PIK3R1: variants seen among roughly 807,000 people sequenced by gnomAD.
PIK3R1 encodes the protein phosphoinositide-3-kinase regulatory subunit 1, also known as phosphatidylinositol 3-kinase regulatory subunit alpha.
PIK3R1 carries 29 observed loss-of-function variants against 98.0 expected under a neutral mutation model. That is an observed-to-expected ratio of 0.30 (90% CI 0.22 to 0.40). The LOEUF (loss-of-function observed/expected upper bound fraction) is 0.40. Among genes scored for constraint, PIK3R1 ranks in the 10% least tolerant of loss-of-function variants. The probability of loss-of-function intolerance (pLI) is 1.00; values close to 1 mark genes in which losing one functional copy is unlikely to be tolerated. For missense variants in PIK3R1, 596 were observed against 872.7 expected (o/e 0.68, Z 3.99); for synonymous variants, 282 against 311.8 (o/e 0.90, Z 1.01).
At chr5:68,282,926 G>A (rs1199118204) in intron 7 of PIK3R1, among the ~76,000 whole-genome samples, 7 of 152,160 alleles carry the variant, frequency 4.6e-5, no homozygotes, top group South Asian at 2.1e-4. Context: ...GAATTAAATG[G>A]CTGTTTTAGT....
At chr5:68,252,604 A>G (rs71630403) in intron 2 of PIK3R1, among the ~76,000 whole-genome samples, 44 of 152,362 alleles carry the variant, frequency 2.9e-4, no homozygotes, top group South Asian at 6.2e-4. Flanking sequence ...TGTAGAAGTT[A>G]TTAGAAGTTC....
chr5:68,258,980 T>C (rs1038245026), intron 2 of PIK3R1, among the ~76,000 whole-genome samples: 4 of 152,238 alleles, frequency 2.6e-5, no homozygotes, highest in Non-Finnish European at 4.4e-5. Context: ...ATCTAAGGAA[T>C]ATGATACTTT....
intron 1 of PIK3R1, among the ~76,000 whole-genome samples, chr5:68,225,090 T>A (rs1744225990): frequency 6.6e-6 from 1 of 152,266 alleles, no homozygotes; most frequent in Admixed American, 6.5e-5. Flanking sequence ...GTCTCTCCTG[T>A]CTGGATGCCT....
chr5:68,217,643 T>TGCGC (rs1743946376), intron 1 of PIK3R1: 2 of 136,934 alleles, frequency 1.5e-5, no homozygotes, highest in African/African-American at 5.8e-5. Flanking sequence ...TGTGTGTGTG[T>TGCGC]GTGTGTGTGT....
intron 2 of PIK3R1, among the ~76,000 whole-genome samples, chr5:68,266,241 G>T (rs1429059200): frequency 2.0e-5 from 3 of 152,064 alleles, no homozygotes; most frequent in Non-Finnish European, 4.4e-5. Flanking sequence ...TTACAACTCT[G>T]CTTTATTATT....
chr5:68,288,504 G>A lies in PIK3R1; in HGVS notation c.917-3755G>A, dbSNP rs894356239. On this transcript the variant is annotated intron_variant, in intron 7 of 15. Coordinates refer to ENST00000521381, the MANE Select transcript of PIK3R1 (RefSeq NM_181523.3). Reference sequence around the variant, plus strand: ...GACGCACTGCCGGGCGGGGCGTGGGGCGGAGGGACGAGCCGAGCCGAGCCA... The same window carrying A: ...GACGCACTGCCGGGCGGGGCGTGGGACGGAGGGACGAGCCGAGCCGAGCCA... 3 of 1,321,990 alleles carry A rather than the reference G, an allele frequency of 2.3e-6. No homozygotes were observed. In the African/African-American group the frequency reaches 4.9e-5, roughly 22 times the overall value. The allele number at this position is 1,321,990 out of a possible 1,614,324, so 81.9% of individuals were successfully genotyped here.
At chr5:68,244,794 G>C (rs1197689508) in intron 2 of PIK3R1, among the ~76,000 whole-genome samples, 1 of 151,870 alleles carries the variant, frequency 6.6e-6, no homozygotes, top group Non-Finnish European at 1.5e-5. Flanking sequence ...TGACTCTGTG[G>C]GACTAGATGT....
intron 2 of PIK3R1, among the ~76,000 whole-genome samples, chr5:68,257,937 C>A (rs1400026072): frequency 6.6e-6 from 1 of 152,184 alleles, no homozygotes; most frequent in Non-Finnish European, 1.5e-5. Context: ...TTCTGACACC[C>A]AAAACACATT....
In PIK3R1 at chr5:68,279,710, G is replaced by A. The variant is rs771919405; in HGVS notation, c.611G>A (p.Ser204Asn). The change falls in exon 5 of 16, where the codon AGT (serine) becomes AAT (asparagine). Residue 204 changes from serine to asparagine, a missense_variant. This residue lies in a region of PIK3R1 where 352 missense variants were observed against 393.3 expected (regional missense o/e 0.90). Coordinates refer to ENST00000521381, the MANE Select transcript of PIK3R1 (RefSeq NM_181523.3). ...CCTGTCATTCCAGCAGCCGTTTACA[G>A]TGAAATGATTTCTTTAGCTCCAGGT... The part of the protein sequence containing the change: ...PNPVIPAAVY[S>N]EMISLAPEVQ... 1.7e-5 allele frequency: 28 copies of A among 1,614,146 alleles called. 1 individual carries two copies. Among genetic ancestry groups the A allele is most frequent in the Non-Finnish European group, 2.1e-5 (25 of 1,180,006 alleles).
intron 2 of PIK3R1, among the ~76,000 whole-genome samples, chr5:68,245,144 T>A (rs762699472): frequency 6.6e-6 from 1 of 152,208 alleles, no homozygotes; most frequent in Non-Finnish European, 1.5e-5. Flanking sequence ...TTGTTAGCTA[T>A]CTCTTATTTT....
At chr5:68,260,592 G>A (rs987966359) in intron 2 of PIK3R1, among the ~76,000 whole-genome samples, 1 of 152,180 alleles carries the variant, frequency 6.6e-6, no homozygotes, top group African/African-American at 2.4e-5. Flanking sequence ...CCAAACACTA[G>A]TTAAGTGATC....
At chr5:68,263,522 T>C (rs938907271) in intron 2 of PIK3R1, among the ~76,000 whole-genome samples, 8 of 152,062 alleles carry the variant, frequency 5.3e-5, no homozygotes, top group African/African-American at 1.9e-4. Context: ...CTACTGATCA[T>C]AGTCTATTGT....
chr5:68,224,749 T>C (rs1744215912), intron 1 of PIK3R1, among the ~76,000 whole-genome samples: 1 of 152,240 alleles, frequency 6.6e-6, no homozygotes, highest in Non-Finnish European at 1.5e-5. Context: ...AACCTTTGGG[T>C]GGCTTTTACT....
At chr5:68,227,094 T>C in intron 2 of PIK3R1, 85 bp downstream of exon 2, 1 of 1,267,956 alleles carries the variant, frequency 7.9e-7, no homozygotes, top group South Asian at 1.5e-5. Context: ...AGTCGTTATG[T>C]TCTGGGCAGA....
chr5:68,288,812 T>C, intron 7 of PIK3R1: 5 of 1,567,926 alleles, frequency 3.2e-6, no homozygotes, highest in Non-Finnish European at 4.4e-6. Context: ...CTTTCTGTAG[T>C]TTGTCTTGGA....
chr5:68,244,211 T>C (rs1283028667), intron 2 of PIK3R1, among the ~76,000 whole-genome samples: 2 of 152,136 alleles, frequency 1.3e-5, no homozygotes, highest in Non-Finnish European at 2.9e-5. Flanking sequence ...GAAAAAATAA[T>C]TGGATGCAGA....
intron 2 of PIK3R1, among the ~76,000 whole-genome samples, chr5:68,240,854 G>A (rs1218943901): frequency 1.3e-5 from 2 of 152,120 alleles, no homozygotes; most frequent in African/African-American, 2.4e-5. Context: ...AGAAGGATGA[G>A]GTGAGTTTCA....
chr5:68,263,658 C>A (rs901149775), intron 2 of PIK3R1, among the ~76,000 whole-genome samples: 1 of 152,096 alleles, frequency 6.6e-6, no homozygotes, highest in Non-Finnish European at 1.5e-5. Flanking sequence ...TTACTTTTAT[C>A]TCAAAATTGT....
rs1744276215 is a variant in PIK3R1, at chr5:68,226,345, A to G, written c.-331A>G. The G allele has an allele frequency of 2.3e-6, 1 of 442,342 alleles. No homozygotes were observed. The highest frequency in any genetic ancestry group is 4.0e-6 in the Non-Finnish European group (1 of 251,028). 27.4% of individuals were successfully genotyped at this position (442,342 alleles called of 1,614,324 possible). A position where few individuals can be genotyped will look rare whatever the true frequency, so the allele number is the denominator to read the frequency against. On this transcript the variant is annotated 5_prime_UTR_variant, in exon 2 of 16. Transcript: ENST00000521381. ...AATCAGACGACAGATGGACAGTGTG[A>G]CAAAAGTGTCAGAAAGGATTGGGCC...
Sources: gnomAD v4.1 joint callset for allele counts (sites outside exome capture counted in the v4.1 genomes callset) on GRCh38, gnomAD v4.1.1 for gene constraint, gnomAD v4.1.1 regional missense constraint, MANE v1.5 for transcripts, NCBI Gene and HGNC (gene_info 2026-07-23, HGNC 2026-07-21) for gene names.